Variants in EPS8L2 observed in about 807,000 individuals in gnomAD.
EPS8L2 encodes the protein epidermal growth factor receptor kinase substrate 8-like protein 2.
EPS8L2 carries 81 observed loss-of-function variants against 99.4 expected under a neutral mutation model. That is an observed-to-expected ratio of 0.82 (90% CI 0.68 to 0.98). The LOEUF (loss-of-function observed/expected upper bound fraction) is 0.98, where lower values mean the gene tolerates loss of function less well. EPS8L2 is among the 50% of genes least tolerant of loss of function. The pLI is 0.00. For missense variants in EPS8L2, 1,155 were observed against 968.8 expected (o/e 1.19, Z -2.55); for synonymous variants, 509 against 407.3 (o/e 1.25, Z -3.01).
chr11:719,475 G>C (rs999178441), intron 4 of EPS8L2, among the ~76,000 whole-genome samples: 1 of 152,258 alleles, frequency 6.6e-6, no homozygotes, highest in African/African-American at 2.4e-5. Flanking sequence ...GCAGGGGCCA[G>C]GCTGGCCGCA....
rs368269394 is a variant in EPS8L2, at chr11:726,336, G to C, written c.1786G>C (p.Glu596Gln). 13 of 1,610,542 alleles carry C rather than the reference G, an allele frequency of 8.1e-6. No homozygotes were observed. The highest frequency in any genetic ancestry group is 1.7e-5 in the Admixed American group (1 of 59,830). ...GCAGCACATGGACGAGGTCAACGAC[G>C]AGCTCATCCGGAAAATCAGCAACAT... is the stretch of plus-strand genomic sequence containing the variant. ...LMQHMDEVND[E>Q]LIRKISNIRA... is the part of the protein sequence containing the mutation. Residue 596 changes from glutamate to glutamine, a missense_variant, in exon 19 of 21, where the codon GAG becomes CAG. Physicochemically the swap from Glu to Gln is conservative, Grantham distance 29. Coordinates refer to ENST00000318562, the MANE Select transcript of EPS8L2 (RefSeq NM_022772.4).
intron 6 of EPS8L2, 37 bp from the exon 7 acceptor site, chr11:720,793 C>A: frequency 6.5e-7 from 1 of 1,543,024 alleles, no homozygotes; most frequent in Non-Finnish European, 8.7e-7. Flanking sequence ...CCGCGCCGCG[C>A]CCCGCCCTCC....
intron 15 of EPS8L2, 77 bp downstream of exon 15, chr11:723,430 G>T (rs1040423401): frequency 1.0e-5 from 6 of 583,124 alleles, no homozygotes; most frequent in Admixed American, 1.0e-4. Context: ...ATATGGGTAC[G>T]CTGCCACCAG....
At chr11:711,448 T>C (rs569914939) in intron 4 of EPS8L2, among the ~76,000 whole-genome samples, 66 of 152,148 alleles carry the variant, frequency 4.3e-4, no homozygotes, top group Non-Finnish European at 7.9e-4. Flanking sequence ...TGGACTCAAG[T>C]GATCCCCTCA....
Position 724,596 on chromosome 11 carries a change from C to T in EPS8L2, c.1455-128C>T, listed in dbSNP as rs1334668071. The T allele has an allele frequency of 1.7e-5, 11 of 665,778 alleles. 1 individual carries two copies. The highest frequency in any genetic ancestry group is 1.0e-4 in the South Asian group (6 of 59,782). The allele number at this position is 665,778 out of a possible 1,614,324, so 41.2% of individuals were successfully genotyped here. A position where few individuals can be genotyped will look rare whatever the true frequency, so the allele number is the denominator to read the frequency against. On this transcript the variant is annotated intron_variant, in intron 15 of 20. Coordinates refer to ENST00000318562, the MANE Select transcript of EPS8L2 (RefSeq NM_022772.4). This position sits in a 1 kb window ranked among gnomAD's most constrained non-coding sequence, Gnocchi z 5.5. Reference sequence around the variant, plus strand: ...TGACGCTGCCTGCAGCCTCTCTCCACGGTGACCTCCAGAACAGAAAAGAGG... The same window carrying T: ...TGACGCTGCCTGCAGCCTCTCTCCATGGTGACCTCCAGAACAGAAAAGAGG...
intron 15 of EPS8L2, among the ~76,000 whole-genome samples, chr11:723,685 A>G (rs1862249693): frequency 6.6e-6 from 1 of 152,084 alleles, no homozygotes; most frequent in African/African-American, 2.4e-5. Context: ...GGCTGTTGGG[A>G]CTGATTCAGG....
chr11:720,506 C>T (rs1564975160), intron 5 of EPS8L2, 91 bp from the exon 6 acceptor site: 1 of 1,537,590 alleles, frequency 6.5e-7, no homozygotes, highest in Non-Finnish European at 8.8e-7. Context: ...CCAGAGGGGC[C>T]TGTGCTCCAG....
intron 17 of EPS8L2, 100 bp from the exon 18 acceptor site, chr11:725,998 G>T: frequency 7.6e-7 from 1 of 1,322,966 alleles, no homozygotes; most frequent in South Asian, 1.4e-5. Flanking sequence ...TGGTCCGCAG[G>T]CCGGGGCTGT....
At chr11:720,985 G>GGGGAGGGGAGGAGCCCGGCA (rs1554952093) in intron 7 of EPS8L2, 76 bp downstream of exon 7, 37,369 of 1,369,438 alleles carry the variant, frequency 0.027, 1,619 homozygotes, top group South Asian at 0.032. Context: ...GGAGCCGGCA[G>GGGGAGGGGAGGAGCCCGGCA]GGGAGGGGAG....
Position 721,628 on chromosome 11 carries a change from G to A in EPS8L2, c.832G>A (p.Glu278Lys), listed in dbSNP as rs753091122. 1.1e-5 allele frequency: 17 copies of A among 1,575,348 alleles called. No individual in the cohort carries two copies. Among genetic ancestry groups the A allele is most frequent in the Non-Finnish European group, 1.5e-5 (17 of 1,166,090 alleles). Residue 278 changes from glutamate to lysine, a missense_variant, in exon 10 of 21, where the codon GAG becomes AAG. Coordinates refer to ENST00000318562, the MANE Select transcript of EPS8L2 (RefSeq NM_022772.4). Reference sequence around the variant, plus strand: ...TGTGGCCCGGCTGCAGAAGGCAGCCGAGGCTTTCAAGCAGCTGAACCAGCG... The same window carrying A: ...TGTGGCCCGGCTGCAGAAGGCAGCCAAGGCTTTCAAGCAGCTGAACCAGCG... Reference protein sequence around the residue: ...WFVARLQKAAEAFKQLNQRKK... With the variant: ...WFVARLQKAAKAFKQLNQRKK...
intron 4 of EPS8L2, among the ~76,000 whole-genome samples, chr11:717,229 C>T (rs1242347218): frequency 1.3e-5 from 2 of 152,166 alleles, no homozygotes; most frequent in African/African-American, 2.4e-5. Context: ...CCTGCCTTGG[C>T]CTCCCAAAGT....
chr11:726,459 C>T lies in EPS8L2; in HGVS notation c.1909C>T (p.Leu637=). Reference sequence around the variant, plus strand: ...GGGTCCGGACGAGGTCCGCGCCTGGCTGGAAGCCAAGGCCTTCAGCCCGCG... The same window carrying T: ...GGGTCCGGACGAGGTCCGCGCCTGGTTGGAAGCCAAGGCCTTCAGCCCGCG... ...ESGPDEVRAW[L]EAKAFSPRIV... Residue 637 remains leucine, a synonymous_variant, in exon 19 of 21, where the codon CTG becomes TTG. Transcript: ENST00000318562. 1 of 1,576,816 alleles carries T rather than the reference C, an allele frequency of 6.3e-7. No homozygotes were observed.
Position 726,885 on chromosome 11 carries a change from C to T in EPS8L2, c.2068-16C>T. 2 of 1,610,364 alleles carry T rather than the reference C, an allele frequency of 1.2e-6. No homozygotes were observed. Among genetic ancestry groups the T allele is most frequent in the Non-Finnish European group, 1.7e-6 (2 of 1,178,398 alleles). ...TGGGACCCCCGGCTGAGGATGCCCC[C>T]ATTTCTCCTCCCTAGAAGCAGCAAA... is the stretch of plus-strand genomic sequence containing the variant. On this transcript the variant is annotated splice_polypyrimidine_tract_variant and intron_variant, in intron 20 of 20. Coordinates refer to ENST00000318562, the MANE Select transcript of EPS8L2 (RefSeq NM_022772.4).
intron 12 of EPS8L2, 71 bp downstream of exon 12, chr11:722,236 C>T (rs1227467512): frequency 4.5e-6 from 7 of 1,567,232 alleles, no homozygotes; most frequent in Admixed American, 1.7e-5. Flanking sequence ...TCCCCGGGGT[C>T]GGGGTTGGGG....
intron 3 of EPS8L2, chr11:709,924 G>A (rs1041240020): frequency 2.3e-5 from 11 of 476,300 alleles, no homozygotes; most frequent in African/African-American, 1.4e-4. Context: ...TGCTCCAGGA[G>A]GGGGGCCTGG....
At position 709,320 on chromosome 11, in the gene EPS8L2, G is replaced by C; in HGVS notation, c.-78-10G>C. Reference sequence around the variant, plus strand: ...GAGGAAGTGTCAGCGCAGCCCTTCTGTCCACCCAGGTGTGGGACAGGCACT... The same window carrying C: ...GAGGAAGTGTCAGCGCAGCCCTTCTCTCCACCCAGGTGTGGGACAGGCACT... On this transcript the variant is annotated splice_polypyrimidine_tract_variant and intron_variant, in intron 1 of 20. Transcript: ENST00000318562. The C allele has an allele frequency of 6.9e-7, 1 of 1,455,572 alleles. No homozygotes were observed. Among genetic ancestry groups the C allele is most frequent in the Non-Finnish European group, 9.4e-7 (1 of 1,065,666 alleles). 90.2% of individuals were successfully genotyped at this position (1,455,572 alleles called of 1,614,324 possible).
chr11:713,482 A>C (rs896448854), intron 4 of EPS8L2, among the ~76,000 whole-genome samples: 5 of 152,160 alleles, frequency 3.3e-5, no homozygotes, highest in Admixed American at 6.5e-5. Flanking sequence ...CCCAGGTTCA[A>C]ACCATTCTCC....
At position 724,891 on chromosome 11, in the gene EPS8L2, T is replaced by A; in HGVS notation, c.1560+62T>A. On this transcript the variant is annotated intron_variant, in intron 16 of 20. Coordinates refer to ENST00000318562, the MANE Select transcript of EPS8L2 (RefSeq NM_022772.4). This position sits in a 1 kb window ranked among gnomAD's most constrained non-coding sequence, Gnocchi z 5.5. ...CAGGGCAGGGCTTCAAGGGAGGGGC[T>A]ACCAGGGGAGGTGGGGAGCGGTCTA... 1 of 1,300,992 alleles carries A rather than the reference T, an allele frequency of 7.7e-7. No individual in the cohort carries two copies. 80.6% of individuals were successfully genotyped at this position (1,300,992 alleles called of 1,614,324 possible). A position where few individuals can be genotyped will look rare whatever the true frequency, so the allele number is the denominator to read the frequency against.
chr11:718,767 C>T (rs1590051939), intron 4 of EPS8L2, among the ~76,000 whole-genome samples: 1 of 150,952 alleles, frequency 6.6e-6, no homozygotes, highest in East Asian at 1.9e-4. Flanking sequence ...CTCCTGGGTT[C>T]ACGCCATTCT....
Sources: allele counts gnomAD v4.1 joint callset (sites outside exome capture counted in the v4.1 genomes callset), GRCh38; gene constraint gnomAD v4.1.1; non-coding constraint Gnocchi (gnomAD v3.1); transcripts MANE v1.5; gene names NCBI Gene and HGNC (gene_info 2026-07-23, HGNC 2026-07-21).